Variants in AMOTL1 observed in about 807,000 individuals in gnomAD.
AMOTL1 encodes angiomotin like 1.
A neutral mutation model predicts 102.9 loss-of-function variants in AMOTL1; 45 were observed. That is an observed-to-expected ratio of 0.44 (90% confidence interval 0.34 to 0.56). AMOTL1 has a LOEUF of 0.56. Among genes scored for constraint, AMOTL1 ranks in the 20% least tolerant of loss-of-function variants. The probability of loss-of-function intolerance (pLI) is 0.01; values close to 1 mark genes in which losing one functional copy is unlikely to be tolerated. For missense variants in AMOTL1, 1,114 were observed against 1,225.6 expected, an observed-to-expected ratio of 0.91 and a Z score of 1.36; for synonymous variants, 481 against 484.7, an observed-to-expected ratio of 0.99 and a Z score of 0.10.
chr11:94,737,196 A>C (rs1396468060), intron 2 of AMOTL1, among the ~76,000 whole-genome samples: 1 of 152,142 alleles, frequency 6.6e-6, no homozygotes, highest in Non-Finnish European at 1.5e-5. Context: ...GAACCTAATC[A>C]CCCTGTGGAG....
chr11:94,802,355 A>G (rs1489224945), intron 3 of AMOTL1, among the ~76,000 whole-genome samples: 1 of 152,070 alleles, frequency 6.6e-6, no homozygotes, highest in Admixed American at 6.5e-5. Context: ...TGATAACTTA[A>G]CTCAGCCTCT....
Position 94,768,527 on chromosome 11 carries a change from T to G in AMOTL1, c.16T>G (p.Leu6Val), listed in dbSNP as rs779486229. Reference sequence around the variant, plus strand: ...TGATCGCCTCATGTGGAGGGCAAAGTTGCGCCGGGGAACTTGTGAGCCTGC... The same window carrying G: ...TGATCGCCTCATGTGGAGGGCAAAGGTGCGCCGGGGAACTTGTGAGCCTGC... MWRAK[L>V]RRGTCEPAVK... Residue 6 changes from leucine (L) to valine (V), a missense_variant, in exon 1 of 13, where the codon TTG becomes GTG. Leu to Val is a conservative substitution (Grantham distance 32). Transcript: ENST00000433060. The G allele has an allele frequency of 5.6e-6, 9 of 1,602,116 alleles. No homozygotes were observed. The East Asian group carries it at 2.0e-4, about 36-fold the overall frequency.
At chr11:94,723,827 G>T (rs1468540400) in intron 1 of AMOTL1, among the ~76,000 whole-genome samples, 2 of 152,130 alleles carry the variant, frequency 1.3e-5, no homozygotes, top group East Asian at 3.9e-4. Context: ...TAAGATTATT[G>T]TAGGTGCCAC....
At chr11:94,839,243 C>T (rs539275900) in intron 6 of AMOTL1, among the ~76,000 whole-genome samples, 5 of 152,174 alleles carry the variant, frequency 3.3e-5, no homozygotes, top group Admixed American at 3.3e-4. Context: ...CAGGCCAGAC[C>T]GGCTGTGGTC....
chr11:94,788,720 A>G (rs1297654343), intron 1 of AMOTL1, among the ~76,000 whole-genome samples: 1 of 152,246 alleles, frequency 6.6e-6, no homozygotes, highest in Non-Finnish European at 1.5e-5. Flanking sequence ...CTTGCTATTT[A>G]TAGCTCCACT....
intron 4 of AMOTL1, among the ~76,000 whole-genome samples, chr11:94,829,096 CCA>C (rs1479429165): frequency 6.6e-6 from 1 of 152,014 alleles, no homozygotes; most frequent in Non-Finnish European, 1.5e-5. Flanking sequence ...AAAGGCTTCC[CCA>C]GTTAGTTTTT....
intron 1 of AMOTL1, among the ~76,000 whole-genome samples, chr11:94,719,116 G>C (rs985352928): frequency 6.6e-6 from 1 of 151,940 alleles, no homozygotes; most frequent in Non-Finnish European, 1.5e-5. Context: ...TTATTGAATA[G>C]TGTATCCTTT....
chr11:94,876,258 A>G lies in AMOTL1; in HGVS notation c.*5463A>G, dbSNP rs1953093038. 6.6e-6 allele frequency: 1 copy of G among 152,616 alleles called. No homozygotes were observed. The highest frequency in any genetic ancestry group is 2.4e-5 in the African/African-American group (1 of 41,442). The allele number at this position is 152,616 out of a possible 1,614,324, so 9.5% of individuals were successfully genotyped here. On this transcript the variant is annotated 3_prime_UTR_variant, in exon 13 of 13. Transcript: ENST00000433060. ...TTGTTTTTTTTCCTTTTGAGGAGGAACAGGGAGCCTCCTCCTCCATGAGCA... is the reference window on the plus strand; with the variant it reads ...TTGTTTTTTTTCCTTTTGAGGAGGAGCAGGGAGCCTCCTCCTCCATGAGCA...
chr11:94,781,101 C>T (rs576248350), intron 1 of AMOTL1, among the ~76,000 whole-genome samples: 1 of 152,192 alleles, frequency 6.6e-6, no homozygotes, highest in East Asian at 1.9e-4. Context: ...TCACCTAAAA[C>T]TAATCTCATG....
chr11:94,856,910 C>T (rs759581624), intron 8 of AMOTL1, among the ~76,000 whole-genome samples: 13 of 152,182 alleles, frequency 8.5e-5, no homozygotes, highest in Non-Finnish European at 1.8e-4. Flanking sequence ...CACAGCTGAG[C>T]CCATCTACTT....
exon 1 of AMOTL1, chr11:94,706,561 TA>T (rs369351096): frequency 5.9e-5 from 9 of 152,342 alleles, no homozygotes; most frequent in African/African-American, 2.2e-4. Flanking sequence ...TAGAACTTAG[TA>T]TTTTTTCCAC....
In AMOTL1 at chr11:94,850,099, G is replaced by C. The variant is rs749387260; in HGVS notation, c.1649-15G>C. The C allele has an allele frequency of 1.3e-6, 2 of 1,574,226 alleles. No homozygotes were observed. Among genetic ancestry groups the C allele is most frequent in the Non-Finnish European group, 1.7e-6 (2 of 1,159,010 alleles). On this transcript the variant is annotated splice_polypyrimidine_tract_variant and intron_variant, in intron 6 of 12. Coordinates refer to ENST00000433060, the MANE Select transcript of AMOTL1 (RefSeq NM_130847.3). ...ATTTCTGATAGAGGTAGTTTTGTTCGTGTTTCCCTTCTAGACAAAGAATTC... is the reference window on the plus strand; with the variant it reads ...ATTTCTGATAGAGGTAGTTTTGTTCCTGTTTCCCTTCTAGACAAAGAATTC...
chr11:94,800,205 C>T lies in AMOTL1; in HGVS notation c.1015C>T (p.Pro339Ser). The stretch of plus-strand genomic sequence containing the variant: ...CGGACTTTTTTATGGTGACCAGCAC[C>T]CCGGGATGCTCCACGAGATGGTCAA... Reference protein sequence around the residue: ...EHGLFYGDQHPGMLHEMVKPY... With the variant: ...EHGLFYGDQHSGMLHEMVKPY... Residue 339 changes from proline (P) to serine (S), a missense_variant, in exon 3 of 13, where the codon CCC (proline) becomes TCC (serine). Pro to Ser is a moderately conservative substitution (Grantham distance 74). Transcript: ENST00000433060. 7 of 1,613,916 alleles carry T rather than the reference C, an allele frequency of 4.3e-6. No individual in the cohort carries two copies. Among genetic ancestry groups the T allele is most frequent in the Non-Finnish European group, 5.9e-6 (7 of 1,179,868 alleles).
rs1227979609 is a variant in AMOTL1, at chr11:94,714,638, G to C, written c.-51+8041G>C. Among the ~76,000 whole-genome samples the C allele has an allele frequency of 2.0e-5, 3 of 151,976 alleles. No homozygotes were observed. In the East Asian group the frequency reaches 5.8e-4, roughly 29 times the overall value. On this transcript the variant is annotated intron_variant, in intron 1 of 4. Transcript: ENST00000299004. ...TTTTTGGGAATTAGTCCATTTCTTT[G>C]AAATTGTTGAATTTATGAGTGTAAA...
intron 6 of AMOTL1, among the ~76,000 whole-genome samples, chr11:94,843,821 A>G (rs1952352724): frequency 1.3e-5 from 2 of 152,190 alleles, no homozygotes; most frequent in East Asian, 3.8e-4. Context: ...GCACTGGACT[A>G]GCTGGGCAGA....
chr11:94,819,883 A>G (rs1951833755), intron 3 of AMOTL1, among the ~76,000 whole-genome samples: 1 of 152,232 alleles, frequency 6.6e-6, no homozygotes, highest in Non-Finnish European at 1.5e-5. Flanking sequence ...AAGAAAATAC[A>G]GTGATTCTTA....
chr11:94,876,322 G>A lies in AMOTL1; in HGVS notation c.*5527G>A, dbSNP rs1478992840. The A allele has an allele frequency of 1.3e-5, 2 of 152,624 alleles. No homozygotes were observed. The highest frequency in any genetic ancestry group is 2.9e-5 in the Non-Finnish European group (2 of 68,032). 9.5% of individuals were successfully genotyped at this position (152,624 alleles called of 1,614,324 possible). On this transcript the variant is annotated 3_prime_UTR_variant, in exon 13 of 13. Transcript: ENST00000433060. ...GTAAAATTCTGTGAAACAGTGGTAA[G>A]CATGGGCACCCGATTTCAGCTGTCC...
chr11:94,769,930 A>G (rs1351312725), intron 1 of AMOTL1, among the ~76,000 whole-genome samples: 2 of 152,214 alleles, frequency 1.3e-5, no homozygotes. Flanking sequence ...TAACCAAAGC[A>G]GTAACGTGCT....
intron 3 of AMOTL1, among the ~76,000 whole-genome samples, chr11:94,753,593 G>A (rs1043953973): frequency 1.3e-5 from 2 of 152,150 alleles, no homozygotes; most frequent in African/African-American, 4.8e-5. Flanking sequence ...TTCAGATGGA[G>A]AACTGAAGCT....
Sources: gnomAD v4.1 joint callset for allele counts (sites outside exome capture counted in the v4.1 genomes callset) on GRCh38, gnomAD v4.1.1 for gene constraint, MANE v1.5 for transcripts, NCBI Gene and HGNC (gene_info 2026-07-23, HGNC 2026-07-21) for gene names.